The following LMO7 variants were observed in gnomAD, a reference collection of about 807,000 sequenced individuals.
LMO7 encodes the protein LIM domain only protein 7.
Under a neutral mutation model 206.5 loss-of-function variants are expected in LMO7, and 120 were observed. The observed-to-expected ratio is 0.58, with a 90% CI of 0.50 to 0.68. The LOEUF (loss-of-function observed/expected upper bound fraction) is 0.68, where lower values mean the gene tolerates loss of function less well. LMO7 is among the 30% of genes least tolerant of loss of function. LMO7 has a pLI of 0.00. For synonymous variants in LMO7, 706 were observed against 681.5 expected (o/e 1.04, Z -0.56); for missense variants, 1,959 against 1,957.9 (o/e 1.00, Z -0.01).
chr13:75,853,315 G>T lies in LMO7; in HGVS notation c.4588G>T (p.Ala1530Ser). Residue 1530 changes from alanine to serine, a missense_variant, in exon 28 of 31, where the codon GCC becomes TCC. Coordinates refer to ENST00000377534, the MANE Select transcript of LMO7 (RefSeq NM_001306080.2). The part of the protein sequence containing the change: ...GSVKTSTTGV[A>S]TTQSPTPRSH... ...CGTGAAGACCTCCACCACAGGTGTG[G>T]CCACCACACAGTCCCCCACCCCGAG... 1 of 1,613,984 alleles carries T rather than the reference G, an allele frequency of 6.2e-7. No homozygotes were observed.
At chr13:75,740,035 T>A (rs561685467) in intron 3 of LMO7, among the ~76,000 whole-genome samples, 1 of 152,362 alleles carries the variant, frequency 6.6e-6, no homozygotes, top group African/African-American at 2.4e-5. Flanking sequence ...AATTACTGTT[T>A]TCATTCAAGG....
Position 75,804,486 on chromosome 13 carries a change from A to G in LMO7, c.859A>G (p.Asn287Asp). Residue 287 changes from asparagine to aspartate, a missense_variant, in exon 8 of 31, where the codon AAC becomes GAC. Physicochemically the swap from Asn to Asp is conservative, Grantham distance 23. Transcript: ENST00000377534. ...RKKKPDKHED[N>D]RRSWASPVYT... ...GAAAAAGCCAGACAAACATGAGGAT[A>G]ACAGAAGAAGTTGGGCAAGCCCGGT... 6.2e-7 allele frequency: 1 copy of G among 1,614,196 alleles called. No individual in the cohort carries two copies. The highest frequency in any genetic ancestry group is 8.5e-7 in the Non-Finnish European group (1 of 1,179,998).
intron 4 of LMO7, among the ~76,000 whole-genome samples, chr13:75,772,124 T>C (rs1191173010): frequency 6.6e-6 from 1 of 152,196 alleles, no homozygotes; most frequent in African/African-American, 2.4e-5. Context: ...CCAAGATTTA[T>C]AATAAATGAA....
intron 1 of LMO7, among the ~76,000 whole-genome samples, chr13:75,637,474 A>G (rs892978952): frequency 2.0e-5 from 3 of 152,158 alleles, no homozygotes; most frequent in African/African-American, 7.2e-5. Flanking sequence ...GTAGAAGGTT[A>G]ACATCAGGAC....
chr13:75,727,873 G>A (rs1354995194), intron 3 of LMO7, among the ~76,000 whole-genome samples: 1 of 151,550 alleles, frequency 6.6e-6, no homozygotes, highest in South Asian at 2.1e-4. Context: ...AGAACATGCG[G>A]TGTTTGGTTT....
intron 11 of LMO7, among the ~76,000 whole-genome samples, chr13:75,816,275 G>A (rs913995464): frequency 6.6e-6 from 1 of 152,224 alleles, no homozygotes; most frequent in East Asian, 1.9e-4. Flanking sequence ...AAAGTCAGGA[G>A]AGCAGTATAA....
chr13:75,657,348 T>C (rs2038153384), intron 1 of LMO7, among the ~76,000 whole-genome samples: 2 of 152,226 alleles, frequency 1.3e-5, no homozygotes, highest in Admixed American at 1.3e-4. Flanking sequence ...CAAACACTCA[T>C]CATCACTGAT....
At chr13:75,654,186 A>G (rs1438661048) in intron 1 of LMO7, among the ~76,000 whole-genome samples, 1 of 152,236 alleles carries the variant, frequency 6.6e-6, no homozygotes, top group Non-Finnish European at 1.5e-5. Context: ...ACAAATCTGT[A>G]GGAGACTCTA....
intron 1 of LMO7, among the ~76,000 whole-genome samples, chr13:75,658,074 C>T (rs552177398): frequency 6.6e-6 from 1 of 151,422 alleles, no homozygotes; most frequent in Admixed American, 6.6e-5. Context: ...TTTTTTTTCC[C>T]CTTCAGTTTT....
chr13:75,835,062 AT>A (rs914810083), intron 17 of LMO7, 170 bp from the exon 18 acceptor site: 418 of 746,034 alleles, frequency 5.6e-4, no homozygotes, highest in African/African-American at 1.1e-3. Flanking sequence ...GTATATGTAG[AT>A]TTTTTTTTAT....
chr13:75,690,114 T>C (rs1016916462), intron 1 of LMO7, among the ~76,000 whole-genome samples: 1 of 151,868 alleles, frequency 6.6e-6, no homozygotes, highest in African/African-American at 2.4e-5. Context: ...TTATTTTACT[T>C]TTAGAGATGG....
rs866212029 is a variant in LMO7, at chr13:75,833,146, C to T, written c.3045C>T (p.Phe1015=). ...TAAAATGGGATATTCCTGGGATCTT[C>T]GTAGCATCAGTTGAAGCAGGTAAAT... is the stretch of plus-strand genomic sequence containing the variant. ...FTIKWDIPGI[F]VASVEAGSPA... is the part of the protein sequence containing the mutation. Residue 1015 remains phenylalanine, a synonymous_variant, in exon 16 of 31, where the codon TTC becomes TTT. Coordinates refer to ENST00000377534, the MANE Select transcript of LMO7 (RefSeq NM_001306080.2). 15 of 1,590,534 alleles carry T rather than the reference C, an allele frequency of 9.4e-6. No homozygotes were observed. The highest frequency in any genetic ancestry group is 1.7e-4 in the Middle Eastern group (1 of 6,036).
At chr13:75,681,706 GTATATATATATGTATATATATATATATA>G (rs1197920220) in intron 1 of LMO7, among the ~76,000 whole-genome samples, 6 of 93,328 alleles carry the variant, frequency 6.4e-5, no homozygotes, top group East Asian at 2.9e-4. Flanking sequence ...GTATGTATGT[GTATATATATATGTATATATATATATATA>G]TATATATATA....
chr13:75,837,596 A>T (rs772662028), intron 19 of LMO7, among the ~76,000 whole-genome samples: 15 of 152,302 alleles, frequency 9.8e-5, no homozygotes, highest in South Asian at 2.1e-4. Context: ...ACTTAATAGT[A>T]GTAGCTACCA....
chr13:75,710,240 C>T (rs2042984958), intron 1 of LMO7, among the ~76,000 whole-genome samples: 1 of 152,164 alleles, frequency 6.6e-6, no homozygotes. Flanking sequence ...CGTGATACCT[C>T]CAGCTTTTTT....
intron 1 of LMO7, among the ~76,000 whole-genome samples, chr13:75,667,512 C>T (rs761301439): frequency 3.9e-5 from 6 of 152,092 alleles, no homozygotes; most frequent in Non-Finnish European, 8.8e-5. Context: ...GGGTCAATGA[C>T]TTGCTTCTGG....
rs150313721 is a variant in LMO7 at position 75,813,684 on chromosome 13, C to A, written c.1947-3477C>A. 7.0e-4 allele frequency among the ~76,000 whole-genome samples: 107 copies of A among 152,284 alleles called. 3 individuals carry two copies. In the East Asian group the frequency reaches 0.02, roughly 29 times the overall value. On this transcript the variant is annotated intron_variant, in intron 11 of 30. Transcript: ENST00000377534. ...AGGACCACCTGTGTGCCAGGCTGTG[C>A]TCCGTGTTGGGGGCACCCAGGAGGA...
chr13:75,800,083 C>T (rs1195878276), intron 6 of LMO7, among the ~76,000 whole-genome samples: 1 of 152,180 alleles, frequency 6.6e-6, no homozygotes, highest in Non-Finnish European at 1.5e-5. Context: ...GCTGCCAGGA[C>T]CTTAGAACTA....
At chr13:75,776,245 A>AGTCTTTTT (rs1356337170) in intron 4 of LMO7, among the ~76,000 whole-genome samples, 4 of 129,756 alleles carry the variant, frequency 3.1e-5, no homozygotes, top group African/African-American at 1.1e-4. Flanking sequence ...AAGGGCCACA[A>AGTCTTTTT]GTCTTTTTGA....
Sources: gnomAD v4.1 joint callset for allele counts (sites outside exome capture counted in the v4.1 genomes callset) on GRCh38, gnomAD v4.1.1 for gene constraint, MANE v1.5 for transcripts, NCBI Gene and HGNC (gene_info 2026-07-23, HGNC 2026-07-21) for gene names.